UNC79: variants seen among roughly 807,000 people sequenced by gnomAD.
The protein encoded by UNC79 is unc-79 subunit of NALCN channel complex.
In UNC79, 37 loss-of-function variants were observed where a neutral mutation model predicts 283.1. That is an observed-to-expected ratio of 0.13 (90% CI 0.10 to 0.17). The LOEUF (loss-of-function observed/expected upper bound fraction) is 0.17. Among genes scored for constraint, UNC79 ranks in the 10% least tolerant of loss-of-function variants. The probability of loss-of-function intolerance (pLI) is 1.00; values close to 1 mark genes in which losing one functional copy is unlikely to be tolerated. For synonymous variants in UNC79, 1,107 were observed against 1,200.2 expected (o/e 0.92, Z 1.61); for missense variants, 2,272 against 3,211.1 (o/e 0.71, Z 7.07).
chr14:93,636,161 G>A (rs1239397776), intron 31 of UNC79, among the ~76,000 whole-genome samples: 1 of 152,192 alleles, frequency 6.6e-6, no homozygotes, highest in Non-Finnish European at 1.5e-5. Flanking sequence ...TTTAATCTAA[G>A]AAAATCTACA....
At chr14:93,640,027 G>T (rs552208802) in intron 32 of UNC79, among the ~76,000 whole-genome samples, 1 of 152,110 alleles carries the variant, frequency 6.6e-6, no homozygotes, top group Non-Finnish European at 1.5e-5. Flanking sequence ...GGAACTTAGC[G>T]TTTTAGTTAT....
chr14:93,423,094 A>G (rs939026943), intron 1 of UNC79, among the ~76,000 whole-genome samples: 2 of 148,968 alleles, frequency 1.3e-5, no homozygotes, highest in African/African-American at 4.9e-5. Context: ...AAAAAAAAGA[A>G]AAGAAGTCAA....
At chr14:93,588,991 G>A (rs2064450018) in intron 22 of UNC79, among the ~76,000 whole-genome samples, 1 of 152,132 alleles carries the variant, frequency 6.6e-6, no homozygotes, top group South Asian at 2.1e-4. Context: ...AAGAATATTA[G>A]GTGTTGATGT....
intron 47 of UNC79, among the ~76,000 whole-genome samples, chr14:93,701,461 G>A (rs756351707): frequency 2.6e-5 from 4 of 152,166 alleles, no homozygotes; most frequent in Non-Finnish European, 4.4e-5. Flanking sequence ...CAAGATAAGA[G>A]GAAGGGTATC....
chr14:93,522,633 C>T (rs998251404), intron 7 of UNC79, among the ~76,000 whole-genome samples: 32 of 152,052 alleles, frequency 2.1e-4, no homozygotes, highest in African/African-American at 7.2e-4. Context: ...AGTTATGAAG[C>T]GCCTATACCG....
At chr14:93,499,678 C>T (rs2059187561) in intron 7 of UNC79, among the ~76,000 whole-genome samples, 1 of 152,004 alleles carries the variant, frequency 6.6e-6, no homozygotes, top group Non-Finnish European at 1.5e-5. Flanking sequence ...GGGAAAGACC[C>T]CAAAACTGCC....
intron 30 of UNC79, among the ~76,000 whole-genome samples, chr14:93,628,343 C>T (rs1251243170): frequency 6.6e-6 from 1 of 152,106 alleles, no homozygotes; most frequent in African/African-American, 2.4e-5. Flanking sequence ...ACTGATTGCT[C>T]CCTCAACCTG....
chr14:93,698,569 T>C (rs566321322), intron 47 of UNC79, among the ~76,000 whole-genome samples: 1 of 129,040 alleles, frequency 7.7e-6, no homozygotes, highest in East Asian at 2.7e-4. Flanking sequence ...CGCCACAACC[T>C]CTGCCTCCCG....
intron 1 of UNC79, among the ~76,000 whole-genome samples, chr14:93,350,529 A>G (rs969782020): frequency 1.3e-5 from 2 of 152,208 alleles, no homozygotes; most frequent in African/African-American, 4.8e-5. Flanking sequence ...CAGAATTTAT[A>G]AAAGGAACGT....
chr14:93,651,374 G>A (rs2140313751), intron 35 of UNC79, among the ~76,000 whole-genome samples: 1 of 152,270 alleles, frequency 6.6e-6, no homozygotes, highest in East Asian at 1.9e-4. Flanking sequence ...GTAACTGACA[G>A]CATGAAAATA....
chr14:93,371,708 G>A (rs2054452253), intron 1 of UNC79, among the ~76,000 whole-genome samples: 1 of 152,054 alleles, frequency 6.6e-6, no homozygotes, highest in African/African-American at 2.4e-5. Flanking sequence ...GGGCGTGGTG[G>A]CGGGCGCCTG....
At chr14:93,557,363 T>C (rs1178785485) in intron 14 of UNC79, among the ~76,000 whole-genome samples, 3 of 148,656 alleles carry the variant, frequency 2.0e-5, no homozygotes, top group African/African-American at 4.8e-5. Flanking sequence ...CTGTGGGTAG[T>C]GACCAACAAG....
At chr14:93,523,955 A>G in intron 7 of UNC79, 23 bp from the exon 8 acceptor site, 1 of 1,612,860 alleles carries the variant, frequency 6.2e-7, no homozygotes, top group Non-Finnish European at 8.5e-7. Flanking sequence ...AGAAGTATTC[A>G]TCAGCTGTGC....
chr14:93,560,257 T>C (rs915421371), intron 14 of UNC79, among the ~76,000 whole-genome samples: 2 of 152,196 alleles, frequency 1.3e-5, no homozygotes, highest in African/African-American at 2.4e-5. Flanking sequence ...TTGGTGAGTT[T>C]TGGGGCTCTA....
At chr14:93,559,956 G>C (rs1245888004) in intron 14 of UNC79, among the ~76,000 whole-genome samples, 1 of 152,070 alleles carries the variant, frequency 6.6e-6, no homozygotes, top group African/African-American at 2.4e-5. Flanking sequence ...TCTCAGGGGT[G>C]CTTCAAGCGG....
chr14:93,375,821 A>G (rs974969312), intron 1 of UNC79, among the ~76,000 whole-genome samples: 3 of 152,222 alleles, frequency 2.0e-5, no homozygotes, highest in Admixed American at 1.3e-4. Context: ...ATCTCCCACC[A>G]GGCACCACCT....
intron 1 of UNC79, among the ~76,000 whole-genome samples, chr14:93,356,920 T>C (rs995602207): frequency 1.2e-4 from 18 of 152,182 alleles, no homozygotes; most frequent in Admixed American, 1.1e-3. Context: ...GTAAATTGTA[T>C]GTCGTGAGGT....
intron 40 of UNC79, among the ~76,000 whole-genome samples, chr14:93,671,801 C>A (rs1170552584): frequency 6.6e-6 from 1 of 151,958 alleles, no homozygotes; most frequent in Non-Finnish European, 1.5e-5. Context: ...ACAACAACAA[C>A]AAAAATGTAA....
intron 1 of UNC79, among the ~76,000 whole-genome samples, chr14:93,341,922 G>A (rs997006398): frequency 1.3e-5 from 2 of 152,160 alleles, no homozygotes; most frequent in South Asian, 2.1e-4. Context: ...AGCTATTCTT[G>A]TGTGGCTCTG....
Sources: gnomAD v4.1 joint callset for allele counts (sites outside exome capture counted in the v4.1 genomes callset) on GRCh38, gnomAD v4.1.1 for gene constraint, MANE v1.5 for transcripts, NCBI Gene and HGNC (gene_info 2026-07-23, HGNC 2026-07-21) for gene names.